Variants in TBCK observed in about 807,000 individuals in gnomAD.
The protein encoded by TBCK is TBC1 domain containing kinase.
TBCK carries 99 observed loss-of-function variants against 113.4 expected under a neutral mutation model. The observed-to-expected ratio is 0.87, with a 90% confidence interval of 0.74 to 1.03. The LOEUF is 1.03. Among genes scored for constraint, TBCK ranks in the 50% least tolerant of loss-of-function variants. The pLI, the probability that TBCK is intolerant of heterozygous loss-of-function variation, is 0.00. For synonymous variants in TBCK, 369 were observed against 370.8 expected (o/e 1.00, Z 0.05); for missense variants, 1,045 against 1,061.3 (o/e 0.98, Z 0.21).
At chr4:106,174,737 T>C (rs942367420) in intron 22 of TBCK, among the ~76,000 whole-genome samples, 1 of 152,154 alleles carries the variant, frequency 6.6e-6, no homozygotes, top group Non-Finnish European at 1.5e-5. Context: ...GTTCTTACTT[T>C]CCACGTGTAT....
At chr4:106,056,608 A>G (rs1339674497) in intron 25 of TBCK, among the ~76,000 whole-genome samples, 4 of 149,600 alleles carry the variant, frequency 2.7e-5, no homozygotes, top group Non-Finnish European at 5.9e-5. Context: ...TTAGAGTCCA[A>G]TTATTGTTGG....
intron 23 of TBCK, among the ~76,000 whole-genome samples, chr4:106,157,008 C>T (rs1322827725): frequency 1.3e-5 from 2 of 152,132 alleles, no homozygotes; most frequent in Non-Finnish European, 2.9e-5. Flanking sequence ...GGCATACTAC[C>T]TGGGTATTTC....
At position 106,236,542 on chromosome 4, in the gene TBCK, TAAA is replaced by T. The variant is rs113636427; in HGVS notation, c.1221-26_1221-24del. 2.0e-4 allele frequency: 246 copies of T among 1,218,652 alleles called. 1 individual carries two copies. The highest frequency in any genetic ancestry group is 7.4e-4 in the South Asian group (36 of 48,456). 75.5% of individuals were successfully genotyped at this position (1,218,652 alleles called of 1,614,324 possible). ...TGGCTGTAAAAGAGAACAAAAGCAA[TAAA>T]AAAAAAAAATGGACAAAAGGTACAA... On this transcript the variant is annotated intron_variant, in intron 13 of 25. Coordinates refer to ENST00000394708, the MANE Select transcript of TBCK (RefSeq NM_001163435.3).
chr4:106,069,100 T>C (rs1737033985), intron 25 of TBCK, among the ~76,000 whole-genome samples: 2 of 152,238 alleles, frequency 1.3e-5, no homozygotes, highest in Admixed American at 1.3e-4. Flanking sequence ...AGGTTGCCTG[T>C]TCACTCTGAT....
chr4:106,304,917 A>AT (rs1767344297), intron 2 of TBCK, among the ~76,000 whole-genome samples: 1 of 152,222 alleles, frequency 6.6e-6, no homozygotes, highest in South Asian at 2.1e-4. Flanking sequence ...ACTTTCTCAA[A>AT]TCCCAAACCC....
At chr4:106,143,391 T>G (rs747645700) in intron 23 of TBCK, among the ~76,000 whole-genome samples, 5 of 152,176 alleles carry the variant, frequency 3.3e-5, no homozygotes, top group Non-Finnish European at 7.3e-5. Context: ...AACCCAGAGA[T>G]TTCTATAACT....
At chr4:106,177,185 T>A (rs900700668) in intron 22 of TBCK, among the ~76,000 whole-genome samples, 4 of 152,114 alleles carry the variant, frequency 2.6e-5, no homozygotes, top group South Asian at 2.1e-4. Context: ...ACCCGTTTTT[T>A]AAATAGGATT....
intron 23 of TBCK, among the ~76,000 whole-genome samples, chr4:106,156,545 T>C (rs2149695521): frequency 6.6e-6 from 1 of 152,216 alleles, no homozygotes; most frequent in East Asian, 1.9e-4. Context: ...GTGCCTAGTG[T>C]TCTATTGTAC....
intron 25 of TBCK, among the ~76,000 whole-genome samples, chr4:106,056,324 C>G (rs909612115): frequency 7.2e-6 from 1 of 139,848 alleles, no homozygotes; most frequent in African/African-American, 2.7e-5. Context: ...AGACTGGTAT[C>G]GAACTCCTGG....
intron 3 of TBCK, among the ~76,000 whole-genome samples, chr4:106,265,952 C>G (rs1293212232): frequency 6.6e-6 from 1 of 151,686 alleles, no homozygotes; most frequent in Non-Finnish European, 1.5e-5. Context: ...GTAAAATATT[C>G]CTTTTTATCA....
intron 25 of TBCK, among the ~76,000 whole-genome samples, chr4:106,076,645 C>A (rs1045488275): frequency 1.1e-4 from 16 of 152,148 alleles, no homozygotes; most frequent in Non-Finnish European, 1.9e-4. Flanking sequence ...ACAAAGGGAA[C>A]TCTGTCAGGC....
At chr4:106,109,816 C>A (rs1364659500) in intron 24 of TBCK, among the ~76,000 whole-genome samples, 1 of 152,094 alleles carries the variant, frequency 6.6e-6, no homozygotes, top group Non-Finnish European at 1.5e-5. Context: ...GCAAAAGAAA[C>A]TATCAACAGA....
At chr4:106,056,974 T>G (rs1218211088) in intron 25 of TBCK, among the ~76,000 whole-genome samples, 1 of 151,808 alleles carries the variant, frequency 6.6e-6, no homozygotes, top group African/African-American at 2.4e-5. Flanking sequence ...TAACTTATAT[T>G]TACATGAAAG....
At chr4:106,251,691 G>A (rs1311002589) in intron 6 of TBCK, among the ~76,000 whole-genome samples, 175 bp downstream of exon 6, 3 of 151,874 alleles carry the variant, frequency 2.0e-5, no homozygotes, top group Non-Finnish European at 4.4e-5. Context: ...TGTTTCCAGA[G>A]ATGCCAAAAA....
intron 23 of TBCK, among the ~76,000 whole-genome samples, chr4:106,130,754 T>G (rs942343800): frequency 6.6e-6 from 1 of 152,134 alleles, no homozygotes; most frequent in African/African-American, 2.4e-5. Flanking sequence ...ATTAAAAACA[T>G]AAAAATATGC....
intron 19 of TBCK, among the ~76,000 whole-genome samples, chr4:106,215,686 C>T: frequency 6.6e-6 from 1 of 152,034 alleles, no homozygotes; most frequent in East Asian, 1.9e-4. Context: ...TATATATGCA[C>T]TCAATACAGG....
At chr4:106,235,095 C>A (rs377278472) in intron 15 of TBCK, among the ~76,000 whole-genome samples, 174 bp downstream of exon 15, 1 of 151,972 alleles carries the variant, frequency 6.6e-6, no homozygotes, top group Admixed American at 6.6e-5. Context: ...TTATATTTTT[C>A]TATTCTATTG....
intron 3 of TBCK, among the ~76,000 whole-genome samples, chr4:106,289,656 T>G (rs1460879095): frequency 6.6e-6 from 1 of 151,234 alleles, no homozygotes; most frequent in Non-Finnish European, 1.5e-5. Context: ...TAGTCCCAGC[T>G]GCTCAGGAGG....
At chr4:106,098,901 C>A (rs375724450) in intron 24 of TBCK, among the ~76,000 whole-genome samples, 40 of 152,008 alleles carry the variant, frequency 2.6e-4, no homozygotes, top group Middle Eastern at 6.8e-3. Flanking sequence ...AGAACAAAAT[C>A]AAAAATTTGC....
Sources: allele counts gnomAD v4.1 joint callset (sites outside exome capture counted in the v4.1 genomes callset), GRCh38; gene constraint gnomAD v4.1.1; transcripts MANE v1.5; gene names NCBI Gene and HGNC (gene_info 2026-07-23, HGNC 2026-07-21).